The following LIN54 variants were observed in gnomAD, a reference collection of about 807,000 sequenced individuals.
LIN54 encodes the protein protein lin-54 homolog.
Under a neutral mutation model 78.7 loss-of-function variants are expected in LIN54, and 9 were observed. The ratio of observed to expected loss-of-function variants is 0.11; its 90% CI spans 0.07 to 0.20. The LOEUF is 0.20. Among genes scored for constraint, LIN54 ranks in the 10% least tolerant of loss-of-function variants. The pLI is 1.00. For missense variants in LIN54, 573 were observed against 889.9 expected, an observed-to-expected ratio of 0.64 and a Z score of 4.53; for synonymous variants, 269 against 318.4, an observed-to-expected ratio of 0.84 and a Z score of 1.65.
chr4:82,968,965 G>C (rs1007760516), intron 4 of LIN54, among the ~76,000 whole-genome samples: 4 of 152,040 alleles, frequency 2.6e-5, no homozygotes, highest in African/African-American at 9.7e-5. Context: ...ACTAGGCGTC[G>C]GTATTTATTA....
chr4:82,968,209 AT>A (rs1004554239), intron 4 of LIN54, among the ~76,000 whole-genome samples: 13 of 151,928 alleles, frequency 8.6e-5, no homozygotes, highest in Non-Finnish European at 1.8e-4. Context: ...AGCCCAGCTA[AT>A]TTTGTATTTT....
chr4:82,994,011 CA>C lies in LIN54; in HGVS notation c.-32-9136del, dbSNP rs58828596. Among the ~76,000 whole-genome samples the C allele has an allele frequency of 8.4e-3, 1,272 of 152,252 alleles. 24 individuals are homozygous for C. Among genetic ancestry groups the C allele is most frequent in the African/African-American group, 0.029 (1,185 of 41,556 alleles). On this transcript the variant is annotated intron_variant, in intron 1 of 12. Transcript: ENST00000340417. ...AATATTTGCTACCTGGAGCTTTACA[CA>C]AAAAGTCTGTCAACTCCTGGTTTAA...
intron 1 of LIN54, among the ~76,000 whole-genome samples, chr4:83,000,132 G>A (rs1728628823): frequency 6.6e-6 from 1 of 152,070 alleles, no homozygotes; most frequent in Non-Finnish European, 1.5e-5. Context: ...GGGCTCAAGT[G>A]ATCCTCCTGC....
chr4:82,949,150 G>A (rs549034363), intron 4 of LIN54, among the ~76,000 whole-genome samples: 12 of 152,210 alleles, frequency 7.9e-5, no homozygotes, highest in African/African-American at 1.4e-4. Flanking sequence ...CAAGGGTTCC[G>A]TTTTCTGCAC....
intron 4 of LIN54, among the ~76,000 whole-genome samples, chr4:82,961,145 T>C (rs1163329887): frequency 6.6e-6 from 1 of 152,198 alleles, no homozygotes; most frequent in East Asian, 1.9e-4. Context: ...ATATACTTGA[T>C]GGGCTATTTG....
chr4:82,952,881 T>C (rs1723954679), intron 4 of LIN54, among the ~76,000 whole-genome samples: 1 of 152,232 alleles, frequency 6.6e-6, no homozygotes, highest in Non-Finnish European at 1.5e-5. Flanking sequence ...ACAAATATTG[T>C]ATGTTTACAC....
At chr4:82,955,034 G>A (rs1724170688) in intron 4 of LIN54, among the ~76,000 whole-genome samples, 1 of 152,138 alleles carries the variant, frequency 6.6e-6, no homozygotes, top group Admixed American at 6.5e-5. Context: ...AAAAACCACT[G>A]TTAATATGAT....
intron 1 of LIN54, among the ~76,000 whole-genome samples, chr4:82,992,795 A>C (rs932091579): frequency 6.6e-6 from 1 of 151,996 alleles, no homozygotes; most frequent in Non-Finnish European, 1.5e-5. Flanking sequence ...TTGGGAGGCC[A>C]AGGTGGGTGG....
In LIN54 at chr4:82,928,149, T is replaced by G; in HGVS notation, c.2203A>C (p.Asn735His). The change falls in exon 13 of 13, where the codon AAC becomes CAC. Residue 735 changes from asparagine to histidine, a missense_variant. Transcript: ENST00000340417. ...EFGRCLMSVINSAGKAKSDPC... is the reference protein window; with the variant it reads ...EFGRCLMSVIHSAGKAKSDPC... ...TCACTTTTTGCCTTTCCTGCAGAGT[T>G]GATGACACTCATCAAACATCGTCCG... 1 of 1,614,256 alleles carries G rather than the reference T, an allele frequency of 6.2e-7. No individual in the cohort carries two copies. Among genetic ancestry groups the G allele is most frequent in the South Asian group, 1.1e-5 (1 of 91,088 alleles).
intron 1 of LIN54, among the ~76,000 whole-genome samples, chr4:82,991,369 T>C (rs890813992): frequency 2.0e-5 from 3 of 152,238 alleles, no homozygotes; most frequent in Admixed American, 6.5e-5. Context: ...CTGATTTTTG[T>C]ATATTGTCCA....
At chr4:82,966,543 C>T (rs921362756) in intron 4 of LIN54, among the ~76,000 whole-genome samples, 1 of 150,596 alleles carries the variant, frequency 6.6e-6, no homozygotes, top group Non-Finnish European at 1.5e-5. Context: ...GAAAAAAAAC[C>T]AACAAAAAAA....
At chr4:82,980,576 AAC>A (rs914422954) in intron 2 of LIN54, among the ~76,000 whole-genome samples, 34 of 152,296 alleles carry the variant, frequency 2.2e-4, no homozygotes, top group East Asian at 7.7e-4. Context: ...CTTAAAAAAA[AAC>A]ATACCCATTA....
rs904787876 is a variant in LIN54 at position 82,927,933 on chromosome 4, T to A, written c.*169A>T. The A allele has an allele frequency of 1.0e-5, 6 of 597,754 alleles. No homozygotes were observed. Among genetic ancestry groups the A allele is most frequent in the Admixed American group, 3.0e-5 (1 of 33,358 alleles). The allele number at this position is 597,754 out of a possible 1,614,324, so 37.0% of individuals were successfully genotyped here. On this transcript the variant is annotated 3_prime_UTR_variant, in exon 13 of 13. Coordinates refer to ENST00000340417, the MANE Select transcript of LIN54 (RefSeq NM_194282.4). ...AAGCAGATTTAACTAAGATTTAAAA[T>A]GTACTAATTTCCTCATTTAAAATTT...
At chr4:82,930,862 AAACTC>A (rs1227939616) in intron 12 of LIN54, 76 bp downstream of exon 12, 148 of 1,314,340 alleles carry the variant, frequency 1.1e-4, no homozygotes, top group Non-Finnish European at 1.6e-4. Flanking sequence ...CCAAAAATAT[AAACTC>A]AACTTTGCCC....
chr4:82,950,701 G>A (rs1031984546), intron 4 of LIN54, among the ~76,000 whole-genome samples: 7 of 152,020 alleles, frequency 4.6e-5, no homozygotes, highest in Admixed American at 1.3e-4. Context: ...TCAAAAACGC[G>A]GACAGACTTG....
chr4:82,930,781 T>TCC (rs1296843981), intron 12 of LIN54, among the ~76,000 whole-genome samples, 162 bp downstream of exon 12: 4 of 152,356 alleles, frequency 2.6e-5, no homozygotes, highest in African/African-American at 9.6e-5. Context: ...GACAGTGGTT[T>TCC]CTGTTACCTT....
chr4:82,932,269 T>C (rs925732091), intron 11 of LIN54, among the ~76,000 whole-genome samples: 3 of 151,182 alleles, frequency 2.0e-5, no homozygotes, highest in African/African-American at 7.3e-5. Context: ...TAATTTTTTT[T>C]GTATTTTTAG....
Position 82,928,280 on chromosome 4 carries a change from T to G in LIN54, c.2072A>C (p.Lys691Thr), listed in dbSNP as rs1274680854. 6.2e-7 allele frequency: 1 copy of G among 1,614,090 alleles called. No homozygotes were observed. The highest frequency in any genetic ancestry group is 1.7e-5 in the Admixed American group (1 of 60,034). The change falls in exon 13 of 13, where the codon AAG (lysine) becomes ACG (threonine). Residue 691 changes from lysine to threonine, a missense_variant. This residue lies in a region of LIN54 where 82 missense variants were observed against 140.8 expected (regional missense o/e 0.58). Coordinates refer to ENST00000340417, the MANE Select transcript of LIN54 (RefSeq NM_194282.4). ...ATTACATGTGGCTTCAGCTACTTCC[T>G]TAGTTACAAATGTAAATGGCAATCT... ...GGKLPFTFVTKEVAEATCNCL... is the reference protein window; with the variant it reads ...GGKLPFTFVTTEVAEATCNCL...
chr4:82,949,739 T>C (rs1018414553), intron 4 of LIN54, among the ~76,000 whole-genome samples: 4 of 152,094 alleles, frequency 2.6e-5, no homozygotes, highest in Non-Finnish European at 5.9e-5. Flanking sequence ...TTATCAGATA[T>C]ATGGTTTGCA....
Sources: gnomAD v4.1 joint callset for allele counts (sites outside exome capture counted in the v4.1 genomes callset) on GRCh38, gnomAD v4.1.1 for gene constraint, gnomAD v4.1.1 regional missense constraint, MANE v1.5 for transcripts, NCBI Gene and HGNC (gene_info 2026-07-23, HGNC 2026-07-21) for gene names.